The following AMBP variants were observed in gnomAD, a reference collection of about 807,000 sequenced individuals.
AMBP encodes alpha-1-microglobulin/bikunin precursor, also known as protein AMBP.
Under a neutral mutation model 46.3 loss-of-function variants are expected in AMBP, and 37 were observed. That is an observed-to-expected ratio of 0.80 (90% CI 0.61 to 1.05). The LOEUF is 1.05. AMBP is among the 50% of genes least tolerant of loss of function. AMBP has a pLI of 0.00. For synonymous variants in AMBP, 174 were observed against 175.9 expected (o/e 0.99, Z 0.09); for missense variants, 475 against 461.2 (o/e 1.03, Z -0.27).
rs1846817469 is a variant in AMBP, at chr9:114,076,795, C to CCTGG, written c.118-59_118-56dup. The CCTGG allele has an allele frequency of 2.5e-6, 4 of 1,587,794 alleles. No individual in the cohort carries two copies. In the South Asian group the frequency reaches 4.6e-5, roughly 18 times the overall value. ...CATCAGTCTCAGACCTCAAAGCAGA[C>CCTGG]CTGGCTGACATCTGCTCCCCACCCT... On this transcript the variant is annotated intron_variant, in intron 1 of 9. Transcript: ENST00000265132.
chr9:114,061,195 A>G (rs779466356), intron 8 of AMBP, 97 bp from the exon 9 acceptor site: 29 of 1,478,448 alleles, frequency 2.0e-5, no homozygotes, highest in Non-Finnish European at 2.5e-5. Flanking sequence ...GCTCATCTAG[A>G]ACACCTCATC....
At chr9:114,063,998 G>T (rs952740349) in intron 6 of AMBP, among the ~76,000 whole-genome samples, 13 of 152,204 alleles carry the variant, frequency 8.5e-5, no homozygotes, top group African/African-American at 2.7e-4. Flanking sequence ...GCTCCTTCTT[G>T]GACATTCCTA....
chr9:114,061,480 C>T lies in AMBP; in HGVS notation c.797G>A (p.Gly266Asp), dbSNP rs765325548. 6 of 1,614,150 alleles carry T rather than the reference C, an allele frequency of 3.7e-6. No homozygotes were observed. Among genetic ancestry groups the T allele is most frequent in the Non-Finnish European group, 5.1e-6 (6 of 1,180,032 alleles). ...CETFQYGGCM[G>D]NGNNFVTEKE... ...TTCTGTGACGAAGTTGTTACCGTTG[C>T]CCATGCAGCCGCCGTACTGGAAAGT... Residue 266 changes from glycine (G) to aspartate (D), a missense_variant, in exon 8 of 10, where the codon GGC (glycine) becomes GAC (aspartate). Gly to Asp is a moderately conservative substitution (Grantham distance 94). Transcript: ENST00000265132.
At chr9:114,076,063 G>C (rs1476168089) in intron 2 of AMBP, among the ~76,000 whole-genome samples, 1 of 152,074 alleles carries the variant, frequency 6.6e-6, no homozygotes, top group Non-Finnish European at 1.5e-5. Context: ...GTCATGGAAG[G>C]GTCTCGAGCA....
At chr9:114,069,618 C>A in intron 6 of AMBP, 81 bp downstream of exon 6, 2 of 1,377,466 alleles carry the variant, frequency 1.5e-6, no homozygotes, top group Non-Finnish European at 2.0e-6. Context: ...CCTCCCCCCG[C>A]AGCAGGATCA....
At chr9:114,070,501 G>A (rs1218128154) in intron 5 of AMBP, among the ~76,000 whole-genome samples, 1 of 152,226 alleles carries the variant, frequency 6.6e-6, no homozygotes. Flanking sequence ...GGGAGCCCCT[G>A]GAGCCTGCCA....
intron 7 of AMBP, among the ~76,000 whole-genome samples, chr9:114,061,875 C>T (rs974625108): frequency 6.6e-6 from 1 of 151,958 alleles, no homozygotes; most frequent in African/African-American, 2.4e-5. Context: ...TCTTGCCTGC[C>T]CCAAAACTCT....
chr9:114,074,731 A>G (rs1846786058), intron 3 of AMBP, among the ~76,000 whole-genome samples: 1 of 152,132 alleles, frequency 6.6e-6, no homozygotes, highest in African/African-American at 2.4e-5. Flanking sequence ...AATCAGCACC[A>G]TCACCCTACT....
intron 6 of AMBP, 44 bp downstream of exon 6, chr9:114,069,655 G>T (rs1486392794): frequency 6.4e-7 from 1 of 1,560,998 alleles, no homozygotes; most frequent in Non-Finnish European, 8.7e-7. Flanking sequence ...GGGGCAGAGT[G>T]GGGTGGGATG....
chr9:114,060,191 C>T lies in AMBP; in HGVS notation c.*48G>A, dbSNP rs771662125. 2 of 1,596,468 alleles carry T rather than the reference C, an allele frequency of 1.3e-6. No individual in the cohort carries two copies. Among genetic ancestry groups the T allele is most frequent in the Non-Finnish European group, 1.7e-6 (2 of 1,169,310 alleles). On this transcript the variant is annotated 3_prime_UTR_variant, in exon 10 of 10. Transcript: ENST00000265132. ...TTGCTTGGCGCTGCCTGCCACAGGA[C>T]CCCGGGACAGACACTGGCCATCCTC...
At chr9:114,074,604 ATAAAT>A (rs1389942584) in intron 3 of AMBP, among the ~76,000 whole-genome samples, 3 of 152,234 alleles carry the variant, frequency 2.0e-5, no homozygotes, top group Non-Finnish European at 4.4e-5. Flanking sequence ...GAACTAACAA[ATAAAT>A]TAATGTCCAA....
At chr9:114,071,417 C>A (rs1846743046) in intron 5 of AMBP, among the ~76,000 whole-genome samples, 1 of 152,250 alleles carries the variant, frequency 6.6e-6, no homozygotes. Context: ...CTTTGGGTGC[C>A]AACAAGCGTG....
chr9:114,067,358 C>T (rs1287358174), intron 6 of AMBP, among the ~76,000 whole-genome samples: 1 of 152,178 alleles, frequency 6.6e-6, no homozygotes, highest in Non-Finnish European at 1.5e-5. Flanking sequence ...CCTCCTCAGC[C>T]TCCCGATTTG....
At chr9:114,063,187 A>C (rs1436149092) in intron 6 of AMBP, among the ~76,000 whole-genome samples, 1 of 152,070 alleles carries the variant, frequency 6.6e-6, no homozygotes, top group East Asian at 1.9e-4. Context: ...CTTGCAGAAA[A>C]AAAAAAAAAT....
intron 5 of AMBP, among the ~76,000 whole-genome samples, chr9:114,072,310 C>A (rs772279676): frequency 6.6e-6 from 1 of 152,194 alleles, no homozygotes; most frequent in Admixed American, 6.5e-5. Context: ...TCCAGCCATA[C>A]CCTTACAGAG....
intron 6 of AMBP, among the ~76,000 whole-genome samples, chr9:114,066,725 G>C (rs2041900682): frequency 6.6e-6 from 1 of 152,082 alleles, no homozygotes; most frequent in South Asian, 2.1e-4. Flanking sequence ...GAATGCAGAT[G>C]GAAACGACAA....
At chr9:114,069,806 A>T in intron 5 of AMBP, 61 bp from the exon 6 acceptor site, 1 of 1,566,822 alleles carries the variant, frequency 6.4e-7, no homozygotes, top group Non-Finnish European at 8.8e-7. Flanking sequence ...GCCATCCTAG[A>T]CCCGGATTTG....
At chr9:114,060,542 G>A (rs1846623713) in intron 9 of AMBP, among the ~76,000 whole-genome samples, 1 of 152,170 alleles carries the variant, frequency 6.6e-6, no homozygotes, top group African/African-American at 2.4e-5. Flanking sequence ...ATTATTAGGA[G>A]CAGTTGCTGT....
chr9:114,062,619 T>TGTG lies in AMBP; in HGVS notation c.685+55_685+57dup, dbSNP rs1846651759. ...ATAAGAGTAGCCAGGGTGAGCCAAC[T>TGTG]GTGGGCCCTTCCTTTCTGGAGTATG... On this transcript the variant is annotated intron_variant, in intron 7 of 9. Transcript: ENST00000265132. 3.2e-6 allele frequency: 5 copies of TGTG among 1,563,972 alleles called. No homozygotes were observed. In the East Asian group the frequency reaches 1.1e-4, roughly 35 times the overall value.
Sources: gnomAD v4.1 joint callset for allele counts (sites outside exome capture counted in the v4.1 genomes callset) on GRCh38, gnomAD v4.1.1 for gene constraint, MANE v1.5 for transcripts, NCBI Gene and HGNC (gene_info 2026-07-23, HGNC 2026-07-21) for gene names.